MEIS2: variants seen among roughly 807,000 people sequenced by gnomAD.
The protein encoded by MEIS2 is Meis homeobox 2, also known as homeobox protein Meis2.
In MEIS2, 9 loss-of-function variants were observed where a neutral mutation model predicts 58.6. The ratio of observed to expected loss-of-function variants is 0.15; its 90% CI spans 0.09 to 0.27. The LOEUF is 0.27. MEIS2 is among the 10% of genes least tolerant of loss of function. MEIS2 has a pLI of 1.00. For missense variants in MEIS2, 427 were observed against 635.0 expected, an observed-to-expected ratio of 0.67 and a Z score of 3.52; for synonymous variants, 221 against 228.4, an observed-to-expected ratio of 0.97 and a Z score of 0.29.
At chr15:36,927,869 A>G (rs1404728957) in intron 9 of MEIS2, among the ~76,000 whole-genome samples, 1 of 152,210 alleles carries the variant, frequency 6.6e-6, no homozygotes, top group Non-Finnish European at 1.5e-5. Context: ...CCTCAATGGT[A>G]CACATTATAA....
intron 9 of MEIS2, among the ~76,000 whole-genome samples, chr15:36,936,772 C>A (rs1002544511): frequency 1.3e-5 from 2 of 152,140 alleles, no homozygotes; most frequent in African/African-American, 4.8e-5. Context: ...GGAAATTGTA[C>A]AATTTTCATG....
intron 9 of MEIS2, among the ~76,000 whole-genome samples, chr15:36,932,708 T>G (rs867783514): frequency 2.0e-5 from 3 of 152,260 alleles, no homozygotes; most frequent in Admixed American, 6.5e-5. Flanking sequence ...TGTCTATATG[T>G]ACATATTCCT....
At chr15:36,943,865 T>C (rs2058462987) in intron 9 of MEIS2, among the ~76,000 whole-genome samples, 1 of 152,032 alleles carries the variant, frequency 6.6e-6, no homozygotes, top group African/African-American at 2.4e-5. Context: ...TTCCTTTATT[T>C]CCCCCTCTAC....
chr15:36,892,535 G>GAA (rs1271676407), intron 11 of MEIS2, 76 bp from the exon 12 acceptor site: 2,763 of 509,404 alleles, frequency 5.4e-3, no homozygotes, highest in South Asian at 7.1e-3. Flanking sequence ...AAGATGAAAA[G>GAA]AAAAAAAAAA....
intron 7 of MEIS2, among the ~76,000 whole-genome samples, chr15:37,078,054 T>C (rs1385051160): frequency 6.6e-6 from 1 of 152,094 alleles, no homozygotes; most frequent in East Asian, 1.9e-4. Flanking sequence ...TACCCACTCT[T>C]ATGCTAATGG....
intron 8 of MEIS2, among the ~76,000 whole-genome samples, chr15:36,973,916 G>C (rs1416084112): frequency 6.6e-6 from 1 of 152,086 alleles, no homozygotes; most frequent in East Asian, 1.9e-4. Flanking sequence ...GTTGTCTATG[G>C]ATACCTGCCA....
At chr15:36,964,167 T>A (rs1207904790) in intron 8 of MEIS2, among the ~76,000 whole-genome samples, 1 of 152,270 alleles carries the variant, frequency 6.6e-6, no homozygotes, top group African/African-American at 2.4e-5. Flanking sequence ...TTTTCTGATT[T>A]CTTTATGAAC....
At chr15:36,938,485 C>T (rs919140569) in intron 9 of MEIS2, among the ~76,000 whole-genome samples, 2 of 152,134 alleles carry the variant, frequency 1.3e-5, no homozygotes, top group African/African-American at 2.4e-5. Context: ...TATTTTCGTC[C>T]CATGCTGAAT....
chr15:36,912,659 A>G (rs893352082), intron 9 of MEIS2, among the ~76,000 whole-genome samples: 2 of 152,204 alleles, frequency 1.3e-5, no homozygotes, highest in Non-Finnish European at 2.9e-5. Flanking sequence ...GCGACATCAA[A>G]GCATTTGGAG....
chr15:36,957,756 G>T (rs2059035064), intron 8 of MEIS2, among the ~76,000 whole-genome samples: 2 of 152,188 alleles, frequency 1.3e-5, no homozygotes, highest in Admixed American at 6.5e-5. Flanking sequence ...CAGAACAAGT[G>T]TTCAATACAT....
At chr15:36,894,780 T>C (rs761187043) in intron 11 of MEIS2, 4 of 1,613,930 alleles carry the variant, frequency 2.5e-6, no homozygotes, top group Non-Finnish European at 3.4e-6. Flanking sequence ...TGCCCATCCA[T>C]GCCCATATTC....
intron 9 of MEIS2, among the ~76,000 whole-genome samples, chr15:36,932,281 C>T (rs2141334645): frequency 6.6e-6 from 1 of 152,204 alleles, no homozygotes; most frequent in African/African-American, 2.4e-5. Context: ...AGGTGCTGAT[C>T]ACAGCGTTGT....
intron 8 of MEIS2, among the ~76,000 whole-genome samples, chr15:36,976,153 C>T (rs532980853): frequency 4.7e-4 from 72 of 152,008 alleles, no homozygotes; most frequent in African/African-American, 1.5e-3. Context: ...GGCGCGATCT[C>T]GGCTCCCTGC....
chr15:37,007,340 G>A (rs140941516), intron 8 of MEIS2, among the ~76,000 whole-genome samples: 107 of 152,168 alleles, frequency 7.0e-4, no homozygotes, highest in African/African-American at 2.4e-3. Context: ...ACCAGTCTGC[G>A]CAACATAGCA....
chr15:37,000,655 T>C (rs1164578323), intron 8 of MEIS2, among the ~76,000 whole-genome samples: 1 of 152,188 alleles, frequency 6.6e-6, no homozygotes, highest in Non-Finnish European at 1.5e-5. Context: ...CTATTCTTCC[T>C]ATGTGTGCCT....
chr15:36,966,104 G>A (rs1298894689), intron 8 of MEIS2, among the ~76,000 whole-genome samples: 1 of 152,032 alleles, frequency 6.6e-6, no homozygotes, highest in East Asian at 1.9e-4. Flanking sequence ...TATCCAAGTG[G>A]GAATTTGGCC....
Position 37,098,045 on chromosome 15 carries a change from G to T in MEIS2, c.167C>A (p.Pro56Gln), listed in dbSNP as rs372646327. ...ACTGGCCGGCATGACATTGGGGTGCGGGGCGTGCGCGCCGTAGTGCTGTGT... is the reference window on the plus strand; with the variant it reads ...ACTGGCCGGCATGACATTGGGGTGCTGGGCGTGCGCGCCGTAGTGCTGTGT... ...HATQHYGAHAPHPNVMPASMG... is the reference protein window; with the variant it reads ...HATQHYGAHAQHPNVMPASMG... Residue 56 changes from proline (P) to glutamine (Q), a missense_variant, in exon 2 of 12, where the codon CCG (proline) becomes CAG (glutamine). Physicochemically the swap from Pro to Gln is moderately conservative, Grantham distance 76. Around this residue, in one of 6 missense-constraint regions of MEIS2, gnomAD observed 103 missense variants for 111.8 expected, o/e 0.92. Coordinates refer to ENST00000561208, the MANE Select transcript of MEIS2 (RefSeq NM_170675.5). 8 of 1,613,394 alleles carry T rather than the reference G, an allele frequency of 5.0e-6. No homozygotes were observed. The highest frequency in any genetic ancestry group is 6.8e-6 in the Non-Finnish European group (8 of 1,179,602).
intron 8 of MEIS2, among the ~76,000 whole-genome samples, chr15:36,997,381 C>A (rs2060558897): frequency 6.6e-6 from 1 of 151,962 alleles, no homozygotes; most frequent in African/African-American, 2.4e-5. Flanking sequence ...ATTTTGCTAA[C>A]TTTGAGTTAG....
chr15:37,095,276 C>G (rs1169133600), intron 4 of MEIS2, among the ~76,000 whole-genome samples: 1 of 151,044 alleles, frequency 6.6e-6, no homozygotes, highest in Non-Finnish European at 1.5e-5. Context: ...TAACTCACTT[C>G]TCGCAGTTTA....
Sources: gnomAD v4.1 joint callset for allele counts (sites outside exome capture counted in the v4.1 genomes callset) on GRCh38, gnomAD v4.1.1 for gene constraint, gnomAD v4.1.1 regional missense constraint, MANE v1.5 for transcripts, NCBI Gene and HGNC (gene_info 2026-07-23, HGNC 2026-07-21) for gene names.